NOS2: variants seen among roughly 807,000 people sequenced by gnomAD.
The protein encoded by NOS2 is nitric oxide synthase 2, also known as nitric oxide synthase, inducible.
Under a neutral mutation model 136.0 loss-of-function variants are expected in NOS2, and 96 were observed. The observed-to-expected ratio is 0.71, with a 90% CI of 0.60 to 0.84. The LOEUF is 0.84. Among genes scored for constraint, NOS2 ranks in the 40% least tolerant of loss-of-function variants. NOS2 has a pLI of 0.00. For missense variants in NOS2, 1,237 were observed against 1,496.9 expected (o/e 0.83, Z 2.87); for synonymous variants, 539 against 587.5 (o/e 0.92, Z 1.20).
intron 3 of NOS2, 116 bp from the exon 4 acceptor site, chr17:27,789,047 C>A (rs1909110686): frequency 7.4e-7 from 1 of 1,360,418 alleles, no homozygotes; most frequent in African/African-American, 1.5e-5. Context: ...TGTCCCTCCA[C>A]GTCCCTCCTC....
chr17:27,760,673 G>A lies in NOS2; in HGVS notation c.2960C>T (p.Ala987Val), dbSNP rs1201586083. 1 of 1,552,532 alleles carries A rather than the reference G, an allele frequency of 6.4e-7. No individual in the cohort carries two copies. The highest frequency in any genetic ancestry group is 2.4e-5 in the East Asian group (1 of 41,098). ...TTGCTGCCAGAAACTGCGGAAGGGCGCGATGCCTGTGCCAGGCCCGATGAG... is the reference window on the plus strand; with the variant it reads ...TTGCTGCCAGAAACTGCGGAAGGGCACGATGCCTGTGCCAGGCCCGATGAG... ...CILIGPGTGI[A>V]PFRSFWQQRL... is the part of the protein sequence containing the mutation. Residue 987 changes from alanine to valine, a missense_variant, in exon 24 of 27, where the codon GCG becomes GTG. Physicochemically the swap from Ala to Val is moderately conservative, Grantham distance 64. Coordinates refer to ENST00000313735, the MANE Select transcript of NOS2 (RefSeq NM_000625.4).
chr17:27,777,773 C>T (rs1364155053), intron 11 of NOS2, among the ~76,000 whole-genome samples: 3 of 152,220 alleles, frequency 2.0e-5, no homozygotes, highest in African/African-American at 7.2e-5. Context: ...GGCCCGGCAC[C>T]GTGGCTTATG....
chr17:27,760,773 G>A (rs1475073225), intron 23 of NOS2, 29 bp from the exon 24 acceptor site: 1 of 1,544,574 alleles, frequency 6.5e-7, no homozygotes. Context: ...GAGGGGGCCA[G>A]TCCTCAGACA....
intron 18 of NOS2, 102 bp downstream of exon 18, chr17:27,767,603 C>T: frequency 7.2e-7 from 1 of 1,397,952 alleles, no homozygotes; most frequent in Non-Finnish European, 9.6e-7. Context: ...GCCCCGAGGC[C>T]AGCTGTCTCT....
Position 27,767,806 on chromosome 17 carries a change from T to C in NOS2, c.2066A>G (p.Lys689Arg). The stretch of plus-strand genomic sequence containing the variant: ...GAGCTTGGGGATCTGAATGTGCTGT[T>C]TGCCTCGGACATCAAACGTCTCACA... ...AACETFDVRG[K>R]QHIQIPKLYT... Residue 689 changes from lysine (K) to arginine (R), a missense_variant, in exon 18 of 27, where the codon AAA becomes AGA. Physicochemically the swap from Lys to Arg is conservative, Grantham distance 26. Coordinates refer to ENST00000313735, the MANE Select transcript of NOS2 (RefSeq NM_000625.4). The C allele has an allele frequency of 6.2e-7, 1 of 1,608,242 alleles. No homozygotes were observed. The highest frequency in any genetic ancestry group is 8.5e-7 in the Non-Finnish European group (1 of 1,178,380).
At position 27,762,929 on chromosome 17, in the gene NOS2, C is replaced by T. The variant is rs1323586844; in HGVS notation, c.2669G>A (p.Arg890Gln). 5 of 1,604,978 alleles carry T rather than the reference C, an allele frequency of 3.1e-6. No homozygotes were observed. The highest frequency in any genetic ancestry group is 4.5e-5 in the East Asian group (2 of 44,512). ...GGAAAGCAGGAAGCCAGCAGACACC[C>T]GCAGGGACGGGAACTCCTCTAGCAC... ...LEVLEEFPSLRVSAGFLLSQL... is the reference protein window; with the variant it reads ...LEVLEEFPSLQVSAGFLLSQL... Residue 890 changes from arginine to glutamine, a missense_variant, in exon 22 of 27, where the codon CGG becomes CAG. By Grantham distance (43) the Arg-to-Gln change is conservative. Coordinates refer to ENST00000313735, the MANE Select transcript of NOS2 (RefSeq NM_000625.4).
At chr17:27,757,389 C>G (rs760249126) in intron 26 of NOS2, 36 bp from the exon 27 acceptor site, 37 of 1,598,720 alleles carry the variant, frequency 2.3e-5, no homozygotes, top group Middle Eastern at 3.3e-4. Flanking sequence ...GTGTCAAGTC[C>G]AGGCTGGGAT....
intron 7 of NOS2, among the ~76,000 whole-genome samples, chr17:27,781,641 G>A (rs1338516654): frequency 6.6e-6 from 1 of 152,192 alleles, no homozygotes. Context: ...GACCAAATGA[G>A]CTGTTCAGTC....
At chr17:27,791,425 T>C (rs1909176410) in intron 2 of NOS2, among the ~76,000 whole-genome samples, 1 of 152,112 alleles carries the variant, frequency 6.6e-6, no homozygotes, top group South Asian at 2.1e-4. Flanking sequence ...CTGATCAGGG[T>C]CCTCATCCTC....
Position 27,789,794 on chromosome 17 carries a change from C to T in NOS2, c.111-106G>A. 4 of 758,094 alleles carry T rather than the reference C, an allele frequency of 5.3e-6. No individual in the cohort carries two copies. The South Asian group carries it at 6.3e-5, about 12-fold the overall frequency. The allele number at this position is 758,094 out of a possible 1,614,324, so 47.0% of individuals were successfully genotyped here. On this transcript the variant is annotated intron_variant, in intron 2 of 26. Transcript: ENST00000313735. ...ATTTGACAAATAGGGAAACTGAGTCCAGAGGGTGGGAGTGAATTGTTCATG... is the reference window on the plus strand; with the variant it reads ...ATTTGACAAATAGGGAAACTGAGTCTAGAGGGTGGGAGTGAATTGTTCATG...
chr17:27,787,788 A>T lies in NOS2; in HGVS notation c.357T>A (p.Ile119=), dbSNP rs1334956352. 1 of 1,612,956 alleles carries T rather than the reference A, an allele frequency of 6.2e-7. No homozygotes were observed. The highest frequency in any genetic ancestry group is 1.1e-5 in the South Asian group (1 of 90,776). ...CTCTGGTCAAACTTTTGGGAGTCAT[A>T]ATGGACCCCAGGCAAGATTTGGACC... ...TCRSKSCLGS[I]MTPKSLTRGP... Residue 119 remains isoleucine (I), a synonymous_variant, in exon 5 of 27, where the codon ATT becomes ATA. Transcript: ENST00000313735.
intron 2 of NOS2, among the ~76,000 whole-genome samples, chr17:27,792,303 C>T (rs926735147): frequency 1.3e-5 from 2 of 152,166 alleles, no homozygotes; most frequent in African/African-American, 4.8e-5. Flanking sequence ...CACAGAAAAA[C>T]ACCTCGAGGG....
chr17:27,789,840 C>G, intron 2 of NOS2, 152 bp from the exon 3 acceptor site: 1 of 599,764 alleles, frequency 1.7e-6, no homozygotes, highest in South Asian at 1.9e-5. Flanking sequence ...CCAACTGCCT[C>G]CCCATCCCCA....
intron 4 of NOS2, among the ~76,000 whole-genome samples, chr17:27,788,223 C>CACACACAT (rs1555540683): frequency 6.6e-6 from 1 of 151,646 alleles, no homozygotes; most frequent in African/African-American, 2.4e-5. Context: ...CACACACACA[C>CACACACAT]GAATGAAGTA....
chr17:27,783,217 C>T, intron 5 of NOS2, 111 bp from the exon 6 acceptor site: 1 of 1,213,820 alleles, frequency 8.2e-7, no homozygotes, highest in Non-Finnish European at 1.2e-6. Flanking sequence ...GGCAAGATGC[C>T]TCTCACCAGA....
intron 5 of NOS2, among the ~76,000 whole-genome samples, chr17:27,784,657 A>C (rs1464206933): frequency 6.6e-6 from 1 of 152,264 alleles, no homozygotes; most frequent in African/African-American, 2.4e-5. Context: ...TAGAAATGCT[A>C]TGATGTCTAT....
intron 3 of NOS2, 140 bp downstream of exon 3, chr17:27,789,464 C>T: frequency 1.5e-6 from 1 of 681,386 alleles, no homozygotes; most frequent in Non-Finnish European, 2.6e-6. Flanking sequence ...TTCCCCCCAA[C>T]ACCCCGGGTC....
intron 19 of NOS2, among the ~76,000 whole-genome samples, chr17:27,766,181 A>C (rs967667834): frequency 6.6e-6 from 1 of 152,194 alleles, no homozygotes; most frequent in East Asian, 1.9e-4. Flanking sequence ...CCCTGCCAAC[A>C]CTTTTCCTGA....
At position 27,782,931 on chromosome 17, in the gene NOS2, T is replaced by C; in HGVS notation, c.630+13A>G. Reference sequence around the variant, plus strand: ...CCTCCAGCTCTCTCCCGCTCAAGTCTAAGGAAGTTCACCTGCAGGTTGGAC... The same window carrying C: ...CCTCCAGCTCTCTCCCGCTCAAGTCCAAGGAAGTTCACCTGCAGGTTGGAC... On this transcript the variant is annotated intron_variant, in intron 6 of 26. Transcript: ENST00000313735. 6.2e-7 allele frequency: 1 copy of C among 1,613,632 alleles called. No individual in the cohort carries two copies.
Sources: allele counts gnomAD v4.1 joint callset (sites outside exome capture counted in the v4.1 genomes callset), GRCh38; gene constraint gnomAD v4.1.1; transcripts MANE v1.5; gene names NCBI Gene and HGNC (gene_info 2026-07-23, HGNC 2026-07-21).